The following LARGE1 variants were observed in gnomAD, a reference collection of about 807,000 sequenced individuals.
LARGE1 encodes xylosyl- and glucuronyltransferase LARGE1.
LARGE1 carries 43 observed loss-of-function variants against 87.6 expected under a neutral mutation model. The ratio of observed to expected loss-of-function variants is 0.49; its 90% CI spans 0.38 to 0.63. The LOEUF is 0.63. LARGE1 is among the 30% of genes least tolerant of loss of function. The pLI, the probability that LARGE1 is intolerant of heterozygous loss-of-function variation, is 0.00. For missense variants in LARGE1, 802 were observed against 1,000.2 expected, an observed-to-expected ratio of 0.80 and a Z score of 2.67; for synonymous variants, 434 against 394.6, an observed-to-expected ratio of 1.10 and a Z score of -1.18.
At chr22:33,339,766 T>C (rs1159816726) in intron 9 of LARGE1, among the ~76,000 whole-genome samples, 2 of 152,180 alleles carry the variant, frequency 1.3e-5, no homozygotes, top group East Asian at 3.8e-4. Flanking sequence ...CCTCCTGGGC[T>C]CAGGTGATCC....
intron 1 of LARGE1, among the ~76,000 whole-genome samples, chr22:33,902,179 C>T (rs2065301322): frequency 6.6e-6 from 1 of 152,156 alleles, no homozygotes; most frequent in African/African-American, 2.4e-5. Context: ...TAAAACCCCA[C>T]ACTTGAAAAC....
intron 11 of LARGE1, among the ~76,000 whole-genome samples, chr22:33,178,811 A>T (rs1272980824): frequency 6.6e-6 from 1 of 152,162 alleles, no homozygotes; most frequent in Non-Finnish European, 1.5e-5. Context: ...AACTGTTGGC[A>T]TCCTCCCATG....
the LARGE1 span, among the ~76,000 whole-genome samples, chr22:33,133,893 A>G: frequency 6.6e-6 from 1 of 152,218 alleles, no homozygotes; most frequent in Non-Finnish European, 1.5e-5. Flanking sequence ...GCTGGGTTAA[A>G]GATGACTTCT....
intron 14 of LARGE1, among the ~76,000 whole-genome samples, chr22:33,276,316 T>C (rs545872636): frequency 6.6e-6 from 1 of 152,296 alleles, no homozygotes; most frequent in Non-Finnish European, 1.5e-5. Flanking sequence ...GCTGAAAAAT[T>C]GAAGCATGTC....
intron 4 of LARGE1, among the ~76,000 whole-genome samples, chr22:33,622,747 C>G (rs909282332): frequency 2.6e-5 from 4 of 152,226 alleles, no homozygotes; most frequent in Non-Finnish European, 4.4e-5. Flanking sequence ...CCTCCTGAAC[C>G]TAGTGCCATG....
At chr22:33,792,710 A>C (rs1451537625) in intron 1 of LARGE1, among the ~76,000 whole-genome samples, 1 of 152,170 alleles carries the variant, frequency 6.6e-6, no homozygotes, top group Non-Finnish European at 1.5e-5. Flanking sequence ...AAAAAAACAC[A>C]AGTTTTGAAA....
chr22:33,295,729 G>A (rs1022417196), intron 12 of LARGE1, among the ~76,000 whole-genome samples: 1 of 152,272 alleles, frequency 6.6e-6, no homozygotes, highest in Admixed American at 6.5e-5. Flanking sequence ...AGCTTTGTGG[G>A]GACAACAGCA....
At chr22:33,116,514 C>T in the LARGE1 span, among the ~76,000 whole-genome samples, 8 of 151,666 alleles carry the variant, frequency 5.3e-5, no homozygotes, top group Non-Finnish European at 8.8e-5. Flanking sequence ...GCCACCACGC[C>T]CAGCTAATTT....
At chr22:33,903,307 C>A (rs571476789) in intron 1 of LARGE1, among the ~76,000 whole-genome samples, 54 of 152,104 alleles carry the variant, frequency 3.6e-4, no homozygotes, top group African/African-American at 1.2e-3. Flanking sequence ...AGGCTTTTGC[C>A]AACACCCTGA....
At chr22:33,384,527 C>A (rs1049547497) in intron 7 of LARGE1, among the ~76,000 whole-genome samples, 7 of 125,712 alleles carry the variant, frequency 5.6e-5, no homozygotes, top group African/African-American at 1.9e-4. Flanking sequence ...GGGTTCAAGC[C>A]TAGGACCTGC....
intron 1 of LARGE1, among the ~76,000 whole-genome samples, chr22:33,814,064 G>T (rs900325233): frequency 1.3e-5 from 2 of 152,050 alleles, no homozygotes; most frequent in African/African-American, 4.8e-5. Context: ...ACATGCTGAG[G>T]CCAAGAGTGT....
chr22:33,612,111 C>T (rs969814514), intron 4 of LARGE1, among the ~76,000 whole-genome samples: 1 of 151,544 alleles, frequency 6.6e-6, no homozygotes, highest in Non-Finnish European at 1.5e-5. Context: ...TTTCCCCCCA[C>T]CCACCCCCAG....
the LARGE1 span, among the ~76,000 whole-genome samples, chr22:33,102,314 G>A: frequency 1.1e-4 from 16 of 151,954 alleles, no homozygotes; most frequent in Non-Finnish European, 2.2e-4. Context: ...GACTACAGGC[G>A]TGGGCCACCA....
chr22:33,219,290 C>T (rs1925350692), intron 11 of LARGE1, among the ~76,000 whole-genome samples: 1 of 152,150 alleles, frequency 6.6e-6, no homozygotes, highest in South Asian at 2.1e-4. Flanking sequence ...CACTTTTCAC[C>T]ACGAAGCCAG....
intron 11 of LARGE1, among the ~76,000 whole-genome samples, chr22:33,247,365 G>A (rs1206307162): frequency 5.3e-5 from 8 of 152,106 alleles, no homozygotes; most frequent in African/African-American, 1.9e-4. Context: ...CACAATATTA[G>A]AATGTCTTAA....
At chr22:33,825,372 G>A (rs758939755) in intron 1 of LARGE1, among the ~76,000 whole-genome samples, 20 of 125,776 alleles carry the variant, frequency 1.6e-4, no homozygotes, top group Non-Finnish European at 3.2e-4. Context: ...AGACATACCC[G>A]AGACTGGGTA....
At chr22:33,447,487 C>G (rs562112243) in intron 6 of LARGE1, among the ~76,000 whole-genome samples, 1 of 152,272 alleles carries the variant, frequency 6.6e-6, no homozygotes, top group Admixed American at 6.5e-5. Context: ...GGCTTGAGCC[C>G]GGAAGGAAGG....
At chr22:33,546,481 C>A (rs924024882) in intron 6 of LARGE1, among the ~76,000 whole-genome samples, 4 of 152,206 alleles carry the variant, frequency 2.6e-5, no homozygotes, top group African/African-American at 9.6e-5. Flanking sequence ...TTGGCACATG[C>A]CCCCTTTTCT....
chr22:33,466,163 C>T (rs1237268401), intron 6 of LARGE1, among the ~76,000 whole-genome samples: 3 of 152,196 alleles, frequency 2.0e-5, no homozygotes, highest in African/African-American at 7.2e-5. Flanking sequence ...TGTCTCATGC[C>T]CACGCACATG....
Sources: gnomAD v4.1 joint callset for allele counts (sites outside exome capture counted in the v4.1 genomes callset) on GRCh38, gnomAD v4.1.1 for gene constraint, MANE v1.5 for transcripts, NCBI Gene and HGNC (gene_info 2026-07-23, HGNC 2026-07-21) for gene names.